The following NTM variants were observed in gnomAD, a reference collection of about 807,000 sequenced individuals.
NTM encodes IgLON family member 2.
A neutral mutation model predicts 42.1 loss-of-function variants in NTM; 13 were observed. The observed-to-expected ratio is 0.31, with a 90% CI of 0.20 to 0.49. The LOEUF is 0.49. Ranked by LOEUF, NTM falls within the 20% of genes least tolerant of loss-of-function variation. The pLI, the probability that NTM is intolerant of heterozygous loss-of-function variation, is 0.99. For synonymous variants in NTM, 187 were observed against 179.2 expected (o/e 1.04, Z -0.35); for missense variants, 373 against 452.8 (o/e 0.82, Z 1.60).
chr11:131,902,885 C>A (rs1396516982), intron 1 of NTM, among the ~76,000 whole-genome samples: 1 of 152,182 alleles, frequency 6.6e-6, no homozygotes, highest in Non-Finnish European at 1.5e-5. Flanking sequence ...AAAATGTTCT[C>A]TGTGACACAT....
chr11:131,807,998 G>T (rs907200623), intron 1 of NTM, among the ~76,000 whole-genome samples: 3 of 152,118 alleles, frequency 2.0e-5, no homozygotes, highest in African/African-American at 7.2e-5. Context: ...TTTTGGAGAC[G>T]TCCTTCCTTG....
intron 2 of NTM, among the ~76,000 whole-genome samples, chr11:131,993,234 T>C (rs982482006): frequency 1.3e-5 from 2 of 151,890 alleles, no homozygotes; most frequent in African/African-American, 4.8e-5. Context: ...TTCTTGGGAG[T>C]GCATTGCAGT....
At chr11:132,221,311 A>G (rs2085118395) in intron 4 of NTM, among the ~76,000 whole-genome samples, 1 of 152,188 alleles carries the variant, frequency 6.6e-6, no homozygotes, top group South Asian at 2.1e-4. Flanking sequence ...AGTAATATCT[A>G]TTCTTCACAA....
At position 131,763,709 on chromosome 11, in the gene NTM, C is replaced by CTTTTTTTTTTTTTTTTTTTTTT. The variant is rs557522093; in HGVS notation, c.83-147850_83-147829dup. On this transcript the variant is annotated intron_variant, in intron 1 of 8. Coordinates refer to ENST00000683400, the MANE Select transcript of NTM (RefSeq NM_001352005.2). Reference sequence around the variant, plus strand: ...CTTATCCACAGGCCCATCTCTCTCTCTTTTTTTTTTTTTTTTTTTTTTTTT... The same window carrying CTTTTTTTTTTTTTTTTTTTTTT: ...CTTATCCACAGGCCCATCTCTCTCTCTTTTTTTTTTTTTTTTTTTTTTTTTTTTTTTTTTTTTTTTTTTTTTT... 2.6e-3 allele frequency among the ~76,000 whole-genome samples: 183 copies of CTTTTTTTTTTTTTTTTTTTTTT among 71,344 alleles called. 30 individuals are homozygous for CTTTTTTTTTTTTTTTTTTTTTT. The highest frequency in any genetic ancestry group is 5.8e-3 in the East Asian group (12 of 2,084). The allele number at this position is 71,344 out of a possible 152,430, so 46.8% of individuals were successfully genotyped here. A position where few individuals can be genotyped will look rare whatever the true frequency, so the allele number is the denominator to read the frequency against.
intron 1 of NTM, among the ~76,000 whole-genome samples, chr11:131,616,664 G>T (rs7111111): frequency 4.6e-5 from 7 of 151,834 alleles, no homozygotes. Flanking sequence ...TTCCCCACCC[G>T]GCTCCTCTGG....
rs143002122 is a variant in NTM at position 131,859,859 on chromosome 11, C to CT, written c.83-51695dup. On this transcript the variant is annotated intron_variant, in intron 1 of 8. Coordinates refer to ENST00000683400, the MANE Select transcript of NTM (RefSeq NM_001352005.2). The stretch of plus-strand genomic sequence containing the variant: ...TATTTCCATTTTAGAAGTGCCTCCC[C>CT]TTTTTTTTTTCTCCTTTTCTCTTTC... Among the ~76,000 whole-genome samples, 1,395 of 148,958 alleles carry CT rather than the reference C, an allele frequency of 9.4e-3. 11 individuals carry two copies. The highest frequency in any genetic ancestry group is 0.015 in the Non-Finnish European group (1,029 of 66,882).
chr11:131,436,305 GTTA>G (rs1361233360), intron 1 of NTM, among the ~76,000 whole-genome samples: 4 of 151,608 alleles, frequency 2.6e-5, no homozygotes, highest in Non-Finnish European at 1.5e-5. Context: ...GGCCTCATGA[GTTA>G]GGGAGGATTC....
chr11:132,038,443 A>G (rs1271367654), intron 2 of NTM, among the ~76,000 whole-genome samples: 3 of 152,082 alleles, frequency 2.0e-5, no homozygotes, highest in Non-Finnish European at 4.4e-5. Context: ...TGATCCTTTG[A>G]GTCTAGCAGG....
intron 1 of NTM, among the ~76,000 whole-genome samples, chr11:131,615,689 C>T (rs2061861685): frequency 6.6e-6 from 1 of 152,194 alleles, no homozygotes; most frequent in African/African-American, 2.4e-5. Flanking sequence ...TCTTAATGAA[C>T]AGGGGCCTCT....
At chr11:131,817,827 G>T (rs978651238) in intron 1 of NTM, among the ~76,000 whole-genome samples, 2 of 152,334 alleles carry the variant, frequency 1.3e-5, no homozygotes, top group South Asian at 4.1e-4. Context: ...TAGACTCATC[G>T]CAGCCCCTGT....
chr11:131,407,012 T>G (rs1464555050), intron 1 of NTM, among the ~76,000 whole-genome samples: 2 of 152,238 alleles, frequency 1.3e-5, no homozygotes, highest in African/African-American at 2.4e-5. Context: ...AGATGTTCCC[T>G]TTTTGCAGTT....
rs372210774 is a variant in NTM at position 132,179,613 on chromosome 11, A to G, written c.401-32409A>G. Reference sequence around the variant, plus strand: ...ATAAGCAGATGAGATTTGCATTTCCACAAAGATCCTTCCAAGTCATTTTGG... The same window carrying G: ...ATAAGCAGATGAGATTTGCATTTCCGCAAAGATCCTTCCAAGTCATTTTGG... On this transcript the variant is annotated intron_variant, in intron 3 of 8. Coordinates refer to ENST00000683400, the MANE Select transcript of NTM (RefSeq NM_001352005.2). 5.3e-5 allele frequency among the ~76,000 whole-genome samples: 8 copies of G among 152,370 alleles called. No individual in the cohort carries two copies. The East Asian group carries it at 1.5e-3, about 29-fold the overall frequency.
intron 7 of NTM, among the ~76,000 whole-genome samples, chr11:132,324,703 C>T (rs1242031194): frequency 7.5e-6 from 1 of 134,140 alleles, no homozygotes; most frequent in Non-Finnish European, 1.7e-5. Flanking sequence ...AAAGAGCCTG[C>T]ATCGCCAAGT....
chr11:131,923,940 T>C (rs1175019716), intron 2 of NTM, among the ~76,000 whole-genome samples: 2 of 152,218 alleles, frequency 1.3e-5, no homozygotes, highest in African/African-American at 4.8e-5. Flanking sequence ...TATCATCATT[T>C]GAAGGGACTA....
chr11:132,040,693 A>G (rs1231045146), intron 2 of NTM, among the ~76,000 whole-genome samples: 1 of 152,238 alleles, frequency 6.6e-6, no homozygotes, highest in East Asian at 1.9e-4. Context: ...TAACACTTAT[A>G]GCCATTAAAA....
intron 2 of NTM, among the ~76,000 whole-genome samples, chr11:132,088,602 C>T (rs895309325): frequency 2.6e-5 from 4 of 152,210 alleles, no homozygotes; most frequent in Non-Finnish European, 5.9e-5. Context: ...CGCTCTTCCC[C>T]AGCATAAGGC....
At chr11:132,093,853 T>A (rs2060644878) in intron 2 of NTM, among the ~76,000 whole-genome samples, 1 of 152,224 alleles carries the variant, frequency 6.6e-6, no homozygotes, top group African/African-American at 2.4e-5. Flanking sequence ...TATGTATTTA[T>A]GTTGTTAAAA....
At chr11:131,380,393 T>C (rs1942524908) in intron 1 of NTM, among the ~76,000 whole-genome samples, 1 of 152,042 alleles carries the variant, frequency 6.6e-6, no homozygotes, top group Non-Finnish European at 1.5e-5. Context: ...CTATTTTTAC[T>C]AGAGATGGGA....
intron 2 of NTM, among the ~76,000 whole-genome samples, chr11:131,916,288 C>T (rs1341344143): frequency 2.0e-5 from 3 of 152,190 alleles, no homozygotes; most frequent in Non-Finnish European, 4.4e-5. Context: ...CATCAACACA[C>T]CTGTCACTTG....
Sources: allele counts gnomAD v4.1 joint callset (sites outside exome capture counted in the v4.1 genomes callset), GRCh38; gene constraint gnomAD v4.1.1; transcripts MANE v1.5; gene names NCBI Gene and HGNC (gene_info 2026-07-23, HGNC 2026-07-21).